Variants in CHST8 observed in about 807,000 individuals in gnomAD.
The protein encoded by CHST8 is GALNAC-4-ST1.
Under a neutral mutation model 15.0 loss-of-function variants are expected in CHST8, and 10 were observed. That is an observed-to-expected ratio of 0.67 (90% confidence interval 0.41 to 1.13). The LOEUF is 1.13. CHST8 is among the 50% of genes most tolerant of loss of function. CHST8 has a pLI of 0.00. For synonymous variants in CHST8, 259 were observed against 256.6 expected (o/e 1.01, Z -0.09); for missense variants, 634 against 608.2 (o/e 1.04, Z -0.45).
intron 3 of CHST8, among the ~76,000 whole-genome samples, chr19:33,721,461 G>A (rs1204375715): frequency 6.6e-6 from 1 of 152,208 alleles, no homozygotes; most frequent in African/African-American, 2.4e-5. Flanking sequence ...TTGTGTGGTT[G>A]GATGGATGGA....
At chr19:33,732,283 A>T (rs924413603) in intron 3 of CHST8, among the ~76,000 whole-genome samples, 20 of 152,104 alleles carry the variant, frequency 1.3e-4, no homozygotes, top group African/African-American at 4.6e-4. Context: ...CCTAATAAAT[A>T]AGCCCGCGTT....
At chr19:33,701,279 T>C (rs751461600) in intron 3 of CHST8, among the ~76,000 whole-genome samples, 42 of 152,156 alleles carry the variant, frequency 2.8e-4, no homozygotes, top group African/African-American at 4.3e-4. Flanking sequence ...CCCCCTGCAA[T>C]TGGAGTGAAT....
rs763879034 is a variant in CHST8 at position 33,772,165 on chromosome 19, C to A, written c.377C>A (p.Pro126Gln). ...IKKMPAAATI[P>Q]ANSSDAPFIR... ...AAAATGCCAGCTGCGGCGACCATCC[C>A]GGCCAACAGCTCGGACGCGCCCTTC... Residue 126 changes from proline (P) to glutamine (Q), a missense_variant, in exon 5 of 5, where the codon CCG becomes CAG. Pro to Gln is a moderately conservative substitution (Grantham distance 76). Transcript: ENST00000650847. The A allele has an allele frequency of 1.9e-6, 3 of 1,601,072 alleles. No individual in the cohort carries two copies. Among genetic ancestry groups the A allele is most frequent in the Non-Finnish European group, 2.6e-6 (3 of 1,175,198 alleles).
intron 3 of CHST8, among the ~76,000 whole-genome samples, chr19:33,699,732 T>C (rs1280250131): frequency 6.6e-6 from 1 of 152,188 alleles, no homozygotes; most frequent in African/African-American, 2.4e-5. Context: ...AAGTGTGGCC[T>C]TCACTCTGCG....
chr19:33,650,215 A>G (rs1304477356), intron 1 of CHST8, among the ~76,000 whole-genome samples: 3 of 151,802 alleles, frequency 2.0e-5, no homozygotes, highest in Non-Finnish European at 2.9e-5. Context: ...TGTGTGTCCA[A>G]CCTCCCGTCC....
chr19:33,702,225 A>C (rs1389962973), intron 3 of CHST8, among the ~76,000 whole-genome samples: 1 of 152,068 alleles, frequency 6.6e-6, no homozygotes, highest in Non-Finnish European at 1.5e-5. Flanking sequence ...CACCACAGGA[A>C]TCCACCTGCC....
chr19:33,703,182 G>A (rs1361885230), intron 3 of CHST8, among the ~76,000 whole-genome samples: 2 of 152,230 alleles, frequency 1.3e-5, no homozygotes, highest in Non-Finnish European at 2.9e-5. Context: ...GCCCGGCTCT[G>A]TCCCCTTCCC....
At chr19:33,722,067 A>AGATGGATGGATG (rs142959239) in intron 3 of CHST8, among the ~76,000 whole-genome samples, 4 of 73,618 alleles carry the variant, frequency 5.4e-5, no homozygotes, top group African/African-American at 8.8e-5. Context: ...CTGATGGATG[A>AGATGGATGGATG]GATGGATGGA....
chr19:33,695,824 T>TCTTTTC (rs1555716691), intron 3 of CHST8, among the ~76,000 whole-genome samples: 3 of 127,066 alleles, frequency 2.4e-5, no homozygotes, highest in Non-Finnish European at 3.4e-5. Context: ...TTTCTTTCTT[T>TCTTTTC]TTTTTTTTTT....
In CHST8 at chr19:33,643,367, T is replaced by TA. The variant is rs200143659; in HGVS notation, c.-164+21079dup. Among the ~76,000 whole-genome samples, 516 of 152,016 alleles carry TA rather than the reference T, an allele frequency of 3.4e-3. 5 individuals carry two copies. Among genetic ancestry groups the TA allele is most frequent in the African/African-American group, 0.011 (454 of 41,484 alleles). ...GCATAGCTTAAGAAGGCATAAATAA[T>TA]AAAAAAAAGGCTTTTAACAAATCTA... On this transcript the variant is annotated intron_variant, in intron 1 of 4. Coordinates refer to ENST00000650847, the MANE Select transcript of CHST8 (RefSeq NM_001127895.2).
At chr19:33,626,124 C>T (rs1006773297) in intron 1 of CHST8, among the ~76,000 whole-genome samples, 6 of 152,244 alleles carry the variant, frequency 3.9e-5, no homozygotes, top group South Asian at 2.1e-4. Context: ...ATGCGGCAGA[C>T]GCCATCTCAT....
intron 3 of CHST8, among the ~76,000 whole-genome samples, chr19:33,744,771 C>T (rs922551859): frequency 2.1e-4 from 32 of 152,156 alleles, no homozygotes; most frequent in African/African-American, 5.8e-4. Flanking sequence ...TATTTTGAGA[C>T]GGAGTCTTGC....
chr19:33,765,179 G>A (rs922433180), intron 3 of CHST8, among the ~76,000 whole-genome samples: 5 of 151,456 alleles, frequency 3.3e-5, no homozygotes, highest in African/African-American at 4.9e-5. Context: ...AGAGACACAC[G>A]TGTGCAACAG....
intron 3 of CHST8, among the ~76,000 whole-genome samples, chr19:33,703,037 G>A (rs1426386911): frequency 6.6e-6 from 1 of 152,196 alleles, no homozygotes; most frequent in African/African-American, 2.4e-5. Flanking sequence ...AGCATCTTCA[G>A]TGAGAGTCAC....
chr19:33,655,861 T>C (rs1368662333), intron 1 of CHST8, among the ~76,000 whole-genome samples: 3 of 152,172 alleles, frequency 2.0e-5, no homozygotes, highest in African/African-American at 7.2e-5. Context: ...TTATTCATCC[T>C]GCTGTTCAAC....
At chr19:33,680,915 AT>A (rs1192404983) in intron 2 of CHST8, among the ~76,000 whole-genome samples, 5 of 152,222 alleles carry the variant, frequency 3.3e-5, no homozygotes, top group Non-Finnish European at 7.3e-5. Flanking sequence ...TGAGATAATA[AT>A]ATATTCATAT....
intron 3 of CHST8, among the ~76,000 whole-genome samples, chr19:33,742,494 A>G (rs1974214901): frequency 1.3e-5 from 2 of 152,202 alleles, no homozygotes; most frequent in African/African-American, 4.8e-5. Flanking sequence ...GTGAGTTGAC[A>G]GAGCAAGAAC....
At chr19:33,679,052 T>C (rs778492160) in intron 2 of CHST8, among the ~76,000 whole-genome samples, 1 of 152,222 alleles carries the variant, frequency 6.6e-6, no homozygotes, top group Non-Finnish European at 1.5e-5. Context: ...GGAGAGAGAT[T>C]CCCTGGAAGG....
chr19:33,722,146 CAGAT>C (rs1485319940), intron 3 of CHST8, among the ~76,000 whole-genome samples: 25 of 137,584 alleles, frequency 1.8e-4, no homozygotes, highest in Non-Finnish European at 3.6e-4. Flanking sequence ...GATGGATGGA[CAGAT>C]AGATGGGAAG....
Sources: gnomAD v4.1 joint callset for allele counts (sites outside exome capture counted in the v4.1 genomes callset) on GRCh38, gnomAD v4.1.1 for gene constraint, MANE v1.5 for transcripts, NCBI Gene and HGNC (gene_info 2026-07-23, HGNC 2026-07-21) for gene names.